DSCAM: variants seen among roughly 807,000 people sequenced by gnomAD.
The protein encoded by DSCAM is DS cell adhesion molecule, also known as cell adhesion molecule DSCAM.
DSCAM carries 47 observed loss-of-function variants against 217.7 expected under a neutral mutation model. The ratio of observed to expected loss-of-function variants is 0.22; its 90% confidence interval spans 0.17 to 0.28. DSCAM has a LOEUF of 0.28. DSCAM is among the 10% of genes least tolerant of loss of function. The pLI is 1.00. For missense variants in DSCAM, 2,080 were observed against 2,618.3 expected, an observed-to-expected ratio of 0.79 and a Z score of 4.49; for synonymous variants, 1,056 against 1,015.3, an observed-to-expected ratio of 1.04 and a Z score of -0.76.
intron 10 of DSCAM, among the ~76,000 whole-genome samples, chr21:40,290,831 T>C (rs1041407661): frequency 6.6e-6 from 1 of 152,194 alleles, no homozygotes; most frequent in African/African-American, 2.4e-5. Flanking sequence ...TTCTTCACTA[T>C]GTCCAAATAA....
Position 40,124,224 on chromosome 21 carries a change from T to C in DSCAM, c.3667A>G (p.Thr1223Ala), listed in dbSNP as rs147915738. ...LKLNGIIRKYTVFCSHPYPTV... is the reference protein window; with the variant it reads ...LKLNGIIRKYAVFCSHPYPTV... ...GGATAGGGGTGGGAGCAGAATACAG[T>C]GTACTTTCGGATGATGCCGTTCAGC... Residue 1223 changes from threonine to alanine, a missense_variant, in exon 20 of 33, where the codon ACT becomes GCT. Coordinates refer to ENST00000400454, the MANE Select transcript of DSCAM (RefSeq NM_001389.5). The C allele has an allele frequency of 3.1e-6, 5 of 1,613,866 alleles. No individual in the cohort carries two copies. In the African/African-American group the frequency reaches 6.7e-5, roughly 22 times the overall value.
At position 40,391,196 on chromosome 21, in the gene DSCAM, C is replaced by T. The variant is rs569201824; in HGVS notation, c.509-21951G>A. 1.6e-3 allele frequency among the ~76,000 whole-genome samples: 246 copies of T among 152,280 alleles called. 2 individuals carry two copies. Among genetic ancestry groups the T allele is most frequent in the African/African-American group, 4.8e-3 (200 of 41,544 alleles). On this transcript the variant is annotated intron_variant, in intron 3 of 32. Transcript: ENST00000400454. ...CACAAAGACAGGTGAGAGCTATTGC[C>T]TTACCAGGGGCTGGACTCATGGCTG... is the stretch of plus-strand genomic sequence containing the variant.
intron 1 of DSCAM, among the ~76,000 whole-genome samples, chr21:40,740,829 T>C (rs1207360018): frequency 6.6e-6 from 1 of 152,222 alleles, no homozygotes; most frequent in East Asian, 1.9e-4. Flanking sequence ...ATATATCTGC[T>C]GTGATTTACA....
At chr21:40,517,213 C>T (rs1416462930) in intron 3 of DSCAM, among the ~76,000 whole-genome samples, 1 of 148,644 alleles carries the variant, frequency 6.7e-6, no homozygotes, top group Non-Finnish European at 1.5e-5. Context: ...TATATATGCA[C>T]ACATATATAT....
At chr21:40,023,318 G>T (rs376402821) in intron 32 of DSCAM, among the ~76,000 whole-genome samples, 2 of 151,852 alleles carry the variant, frequency 1.3e-5, no homozygotes, top group Non-Finnish European at 1.5e-5. Flanking sequence ...GAATAATGCC[G>T]CAATAAACAT....
intron 3 of DSCAM, among the ~76,000 whole-genome samples, chr21:40,663,663 CT>C (rs1351300107): frequency 6.6e-6 from 1 of 152,190 alleles, no homozygotes; most frequent in Non-Finnish European, 1.5e-5. Context: ...CTCTTTCCCC[CT>C]GGCTACTGAG....
chr21:40,830,434 C>A (rs975611009), intron 1 of DSCAM, among the ~76,000 whole-genome samples: 2 of 152,252 alleles, frequency 1.3e-5, no homozygotes, highest in Non-Finnish European at 2.9e-5. Flanking sequence ...CTGGGAATTA[C>A]AACTGGACAT....
Position 40,361,806 on chromosome 21 carries a change from C to G in DSCAM, c.655+7293G>C, listed in dbSNP as rs182661411. Among the ~76,000 whole-genome samples the G allele has an allele frequency of 2.6e-5, 4 of 152,300 alleles. No homozygotes were observed. The East Asian group carries it at 7.7e-4, about 29-fold the overall frequency. ...TTTTTCCTCATCAGCTCAAAAGTGG[C>G]TAGCTTTTAAACAATTGAATTAATT... is the stretch of plus-strand genomic sequence containing the variant. On this transcript the variant is annotated intron_variant, in intron 4 of 32. Coordinates refer to ENST00000400454, the MANE Select transcript of DSCAM (RefSeq NM_001389.5).
chr21:40,543,911 T>A (rs745730018), intron 3 of DSCAM, among the ~76,000 whole-genome samples: 11 of 152,206 alleles, frequency 7.2e-5, no homozygotes, highest in Non-Finnish European at 1.5e-4. Flanking sequence ...GTTGTGTTCA[T>A]TATTTGTCTC....
chr21:40,094,266 A>G (rs1298070222), intron 20 of DSCAM, among the ~76,000 whole-genome samples: 1 of 152,194 alleles, frequency 6.6e-6, no homozygotes, highest in Non-Finnish European at 1.5e-5. Context: ...TCTCTGAAAG[A>G]TGGGAAACGA....
chr21:40,631,387 C>T (rs1178380441), intron 3 of DSCAM, among the ~76,000 whole-genome samples: 1 of 152,222 alleles, frequency 6.6e-6, no homozygotes, highest in Non-Finnish European at 1.5e-5. Context: ...TTCACTCCCA[C>T]ATCTTGCCTC....
chr21:40,681,660 G>A (rs982338409), intron 3 of DSCAM, among the ~76,000 whole-genome samples: 30 of 152,124 alleles, frequency 2.0e-4, no homozygotes, highest in African/African-American at 7.0e-4. Flanking sequence ...CCTTTCTGGA[G>A]CCTCAGAATG....
chr21:40,179,132 A>G, intron 14 of DSCAM, 38 bp from the exon 15 acceptor site: 1 of 1,460,406 alleles, frequency 6.8e-7, no homozygotes, highest in Non-Finnish European at 9.2e-7. Flanking sequence ...AGAGATAGAG[A>G]CGTGAGTTTT....
chr21:40,538,013 T>A (rs2076512816), intron 3 of DSCAM, among the ~76,000 whole-genome samples: 1 of 152,128 alleles, frequency 6.6e-6, no homozygotes, highest in Non-Finnish European at 1.5e-5. Context: ...CAATAAATGC[T>A]AAGTGGTAGG....
Position 40,682,513 on chromosome 21 carries a change from AAGAG to A in DSCAM, c.508+10293_508+10296del, listed in dbSNP as rs370535822. On this transcript the variant is annotated intron_variant, in intron 3 of 32. Coordinates refer to ENST00000400454, the MANE Select transcript of DSCAM (RefSeq NM_001389.5). ...AGCCCTAACCCCAAAGAAAGAGAGA[AAGAG>A]AGAGAAAGAAAAAGAAAAAAGAAAG... Among the ~76,000 whole-genome samples the A allele has an allele frequency of 1.6e-3, 240 of 150,318 alleles. 2 individuals are homozygous for A. Among genetic ancestry groups the A allele is most frequent in the African/African-American group, 5.7e-3 (232 of 40,600 alleles).
chr21:40,470,822 G>A (rs1450367809), intron 3 of DSCAM, among the ~76,000 whole-genome samples: 1 of 152,146 alleles, frequency 6.6e-6, no homozygotes. Context: ...CCAAAGTGAT[G>A]GGATTACAAG....
chr21:40,135,626 C>T (rs1255521756), intron 18 of DSCAM, among the ~76,000 whole-genome samples: 2 of 152,180 alleles, frequency 1.3e-5, no homozygotes, highest in Non-Finnish European at 2.9e-5. Context: ...TCTTGGTTTT[C>T]CTTCCTGCTC....
intron 3 of DSCAM, among the ~76,000 whole-genome samples, chr21:40,388,906 C>T (rs531144808): frequency 1.8e-4 from 28 of 152,276 alleles, no homozygotes; most frequent in African/African-American, 6.5e-4. Flanking sequence ...GTAGAACATG[C>T]TCATTTCATG....
rs1332074862 is a variant in DSCAM, at chr21:40,339,237, C to T, written c.1389G>A (p.Gly463=). 6.2e-7 allele frequency: 1 copy of T among 1,614,182 alleles called. No homozygotes were observed. Among genetic ancestry groups the T allele is most frequent in the South Asian group, 1.1e-5 (1 of 91,090 alleles). ...AGATGTTCAGGTAGCTGACCACGTT[C>T]CCCTCCGACGTGATCATCTGGCTGA... The part of the protein sequence containing the change: ...HRISQMITSE[G]NVVSYLNISS... Residue 463 remains glycine, a synonymous_variant, in exon 7 of 33, where the codon GGG becomes GGA. Transcript: ENST00000400454.
Sources: allele counts gnomAD v4.1 joint callset (sites outside exome capture counted in the v4.1 genomes callset), GRCh38; gene constraint gnomAD v4.1.1; transcripts MANE v1.5; gene names NCBI Gene and HGNC (gene_info 2026-07-23, HGNC 2026-07-21).